KCNH4: variants seen among roughly 807,000 people sequenced by gnomAD.
KCNH4 encodes the protein voltage-gated delayed rectifier potassium channel KCNH4.
KCNH4 carries 33 observed loss-of-function variants against 90.7 expected under a neutral mutation model. The observed-to-expected ratio is 0.36, with a 90% CI of 0.28 to 0.49. The LOEUF (loss-of-function observed/expected upper bound fraction) is 0.49. Among genes scored for constraint, KCNH4 ranks in the 20% least tolerant of loss-of-function variants. The probability of loss-of-function intolerance (pLI) is 0.98; values close to 1 mark genes in which losing one functional copy is unlikely to be tolerated. For missense variants in KCNH4, 1,044 were observed against 1,387.1 expected, an observed-to-expected ratio of 0.75 and a Z score of 3.93; for synonymous variants, 551 against 581.7, an observed-to-expected ratio of 0.95 and a Z score of 0.76.
chr17:42,158,074 A>G (rs984925878), intron 16 of KCNH4, among the ~76,000 whole-genome samples: 4 of 151,714 alleles, frequency 2.6e-5, no homozygotes, highest in Non-Finnish European at 4.4e-5. Context: ...GATTACAGGC[A>G]TGCACCACCA....
chr17:42,165,504 C>G lies in KCNH4; in HGVS notation c.2030G>C (p.Arg677Pro). 1.2e-6 allele frequency: 2 copies of G among 1,614,182 alleles called. No individual in the cohort carries two copies. Among genetic ancestry groups the G allele is most frequent in the Non-Finnish European group, 1.7e-6 (2 of 1,180,020 alleles). Residue 677 changes from arginine (R) to proline (P), a missense_variant, in exon 11 of 17, where the codon CGG becomes CCG. This residue lies in a region of KCNH4 where 441 missense variants were observed against 512.3 expected (regional missense o/e 0.86). Transcript: ENST00000264661. Reference protein sequence around the residue: ...RLYPEYGAAFRAGLPRDLTFN... With the variant: ...RLYPEYGAAFPAGLPRDLTFN... ...GGTGAGGTCCCGGGGCAGGCCAGCC[C>G]GGAAGGCAGCCCCATACTCAGGATA...
At chr17:42,175,441 C>T in intron 6 of KCNH4, 138 bp downstream of exon 6, 1 of 1,013,980 alleles carries the variant, frequency 9.9e-7, no homozygotes, top group Non-Finnish European at 1.5e-6. Flanking sequence ...AGGGCTATGC[C>T]CAGAGCAGGT....
At chr17:42,164,018 G>A (rs1021522502) in intron 12 of KCNH4, 60 bp from the exon 13 acceptor site, 45 of 1,500,418 alleles carry the variant, frequency 3.0e-5, no homozygotes, top group Admixed American at 2.5e-4. Flanking sequence ...CCTTCATTAA[G>A]TAAGAGCCTT....
Position 42,180,601 on chromosome 17 carries a change from G to T in KCNH4, c.76+269C>A, listed in dbSNP as rs1438548529. Reference sequence around the variant, plus strand: ...TGCCCGAGAGTGGGCGGCTCCGAAGGACCCTCCTCCGCTCTGCCGCACAAA... The same window carrying T: ...TGCCCGAGAGTGGGCGGCTCCGAAGTACCCTCCTCCGCTCTGCCGCACAAA... On this transcript the variant is annotated intron_variant, in intron 1 of 16. Coordinates refer to ENST00000264661, the MANE Select transcript of KCNH4 (RefSeq NM_012285.3). This position sits in a 1 kb window ranked among gnomAD's most constrained non-coding sequence, Gnocchi z 4.7. Among the ~76,000 whole-genome samples, 1 of 151,868 alleles carries T rather than the reference G, an allele frequency of 6.6e-6. No individual in the cohort carries two copies. Among genetic ancestry groups the T allele is most frequent in the Non-Finnish European group, 1.5e-5 (1 of 67,950 alleles).
At chr17:42,170,920 A>G (rs897107122) in intron 7 of KCNH4, among the ~76,000 whole-genome samples, 1 of 152,230 alleles carries the variant, frequency 6.6e-6, no homozygotes. Context: ...CAGGCCCAGC[A>G]TGAGAAAGCA....
Position 42,169,551 on chromosome 17 carries a change from G to A in KCNH4, c.1516C>T (p.Arg506Trp), listed in dbSNP as rs764965430. ...KDFIRVHRLP[R>W]PLKQRMLEYF... Reference sequence around the variant, plus strand: ...TCGAGCATGCGCTGCTTGAGCGGCCGCGGCAGGCGGTGCACACGGATGAAG... The same window carrying A: ...TCGAGCATGCGCTGCTTGAGCGGCCACGGCAGGCGGTGCACACGGATGAAG... Residue 506 changes from arginine to tryptophan, a missense_variant, in exon 9 of 17, where the codon CGG (arginine) becomes TGG (tryptophan). By Grantham distance (101) the Arg-to-Trp change is moderately radical. This residue lies in a region of KCNH4 where 318 missense variants were observed against 479.6 expected (regional missense o/e 0.66). Transcript: ENST00000264661. 30 of 1,613,512 alleles carry A rather than the reference G, an allele frequency of 1.9e-5. No individual in the cohort carries two copies. Among genetic ancestry groups the A allele is most frequent in the Admixed American group, 5.0e-5 (3 of 60,014 alleles).
Position 42,169,533 on chromosome 17 carries a change from T to C in KCNH4, c.1534A>G (p.Met512Val), listed in dbSNP as rs779155803. 1.2e-6 allele frequency: 2 copies of C among 1,613,446 alleles called. No individual in the cohort carries two copies. The highest frequency in any genetic ancestry group is 1.7e-6 in the Non-Finnish European group (2 of 1,180,018). The stretch of plus-strand genomic sequence containing the variant: ...CACGTGGTCTGGAAGTATTCGAGCA[T>C]GCGCTGCTTGAGCGGCCGCGGCAGG... Reference protein sequence around the residue: ...HRLPRPLKQRMLEYFQTTWAV... With the variant: ...HRLPRPLKQRVLEYFQTTWAV... Residue 512 changes from methionine to valine, a missense_variant, in exon 9 of 17, where the codon ATG becomes GTG. By Grantham distance (21) the Met-to-Val change is conservative. Around this residue, in one of 4 missense-constraint regions of KCNH4, gnomAD observed 318 missense variants for 479.6 expected, o/e 0.66. Transcript: ENST00000264661.
At chr17:42,173,689 G>T (rs983123724) in intron 6 of KCNH4, among the ~76,000 whole-genome samples, 4 of 130,882 alleles carry the variant, frequency 3.1e-5, no homozygotes, top group Non-Finnish European at 4.7e-5. Flanking sequence ...TTAGCGATCT[G>T]GTTCTTTTTT....
At position 42,176,087 on chromosome 17, in the gene KCNH4, T is replaced by C. The variant is rs748197791; in HGVS notation, c.796A>G (p.Ser266Gly). 2.5e-6 allele frequency: 4 copies of C among 1,610,654 alleles called. No individual in the cohort carries two copies. The South Asian group carries it at 4.4e-5, about 18-fold the overall frequency. Reference sequence around the variant, plus strand: ...AAGAGCATTTCCACGGCGATGTCGCTGACAAGGGTGTGTCGCGAAGTGATG... The same window carrying C: ...AAGAGCATTTCCACGGCGATGTCGCCGACAAGGGTGTGTCGCGAAGTGATG... The part of the protein sequence containing the change: ...TPITSRHTLV[S>G]DIAVEMLFIL... Residue 266 changes from serine to glycine, a missense_variant, in exon 5 of 17, where the codon AGC becomes GGC. Transcript: ENST00000264661.
chr17:42,159,998 C>G lies in KCNH4; in HGVS notation c.*42G>C. 1 of 1,451,530 alleles carries G rather than the reference C, an allele frequency of 6.9e-7. No homozygotes were observed. The highest frequency in any genetic ancestry group is 9.1e-7 in the Non-Finnish European group (1 of 1,095,058). The allele number at this position is 1,451,530 out of a possible 1,614,324, so 89.9% of individuals were successfully genotyped here. A position where few individuals can be genotyped will look rare whatever the true frequency, so the allele number is the denominator to read the frequency against. On this transcript the variant is annotated 3_prime_UTR_variant, in exon 16 of 17. Transcript: ENST00000264661. The stretch of plus-strand genomic sequence containing the variant: ...GCCCAGGTCCTCCCTGAGTGGTGAG[C>G]GGCAGCGCCCACCCCAGACAGGCCT...
chr17:42,173,693 C>CTTTTTTTT (rs532100884), intron 6 of KCNH4, among the ~76,000 whole-genome samples: 14 of 66,270 alleles, frequency 2.1e-4, no homozygotes, highest in South Asian at 8.4e-4. Flanking sequence ...CGATCTGGTT[C>CTTTTTTTT]TTTTTTTTTT....
chr17:42,160,920 CTTTTTTTTTTTTT>C (rs57677761), intron 15 of KCNH4, among the ~76,000 whole-genome samples: 2 of 73,408 alleles, frequency 2.7e-5, no homozygotes, highest in East Asian at 4.9e-4. Flanking sequence ...TTTTCTTTTT[CTTTTTTTTTTTTT>C]TTTTTTTTTT....
In KCNH4 at chr17:42,171,955, C is replaced by G; in HGVS notation, c.1028G>C (p.Arg343Pro). ...VHLLKTVRLL[R>P]LLRLLQKLER... ...CAGCTTCTGCAGCAGCCGCAGCAGC[C>G]GCAACAGCCGCACTGTCTTCAGTAG... Residue 343 changes from arginine to proline, a missense_variant, in exon 7 of 17, where the codon CGG becomes CCG. Coordinates refer to ENST00000264661, the MANE Select transcript of KCNH4 (RefSeq NM_012285.3). 6.2e-7 allele frequency: 1 copy of G among 1,610,024 alleles called. No homozygotes were observed. The highest frequency in any genetic ancestry group is 8.5e-7 in the Non-Finnish European group (1 of 1,178,818).
chr17:42,178,732 G>A, intron 2 of KCNH4, 61 bp downstream of exon 2: 1 of 1,437,622 alleles, frequency 7.0e-7, no homozygotes, highest in African/African-American at 1.4e-5. Context: ...ACTGTGCCCA[G>A]TGCCCTCTGG....
Position 42,163,950 on chromosome 17 carries a change from T to C in KCNH4, c.2133A>G (p.Ser711=). The change falls in exon 13 of 17, where the codon TCA becomes TCG. Residue 711 remains serine (S), a synonymous_variant. Coordinates refer to ENST00000264661, the MANE Select transcript of KCNH4 (RefSeq NM_012285.3). The surrounding 1 kb of genome is among the most constrained non-coding windows in gnomAD (Gnocchi z 5.4). ...SRSPRLSQPR[S]ESLGSSSDKT... is the part of the protein sequence containing the mutation. ...TGTCTGAGGAGGAGCCGAGGCTTTC[T>C]GAGCGGGGCTGCGGGCAGAGGGGGC... The C allele has an allele frequency of 6.5e-7, 1 of 1,537,508 alleles. No individual in the cohort carries two copies. The highest frequency in any genetic ancestry group is 8.8e-7 in the Non-Finnish European group (1 of 1,142,270).
intron 15 of KCNH4, among the ~76,000 whole-genome samples, chr17:42,160,926 T>C (rs920893387): frequency 8.9e-5 from 12 of 134,376 alleles, no homozygotes; most frequent in East Asian, 4.3e-4. Context: ...TTTTCTTTTT[T>C]TTTTTTTTTT....
intron 11 of KCNH4, among the ~76,000 whole-genome samples, chr17:42,165,060 C>T (rs960685764): frequency 3.3e-5 from 5 of 150,770 alleles, no homozygotes; most frequent in African/African-American, 9.8e-5. Flanking sequence ...GAGCCAAGAT[C>T]GCGCCACTGC....
chr17:42,172,648 C>T (rs571461975), intron 6 of KCNH4, among the ~76,000 whole-genome samples: 2 of 151,386 alleles, frequency 1.3e-5, no homozygotes, highest in East Asian at 3.9e-4. Context: ...TTCAGGGAGG[C>T]TAATGACTTG....
Position 42,175,720 on chromosome 17 carries a change from G to A in KCNH4, c.846C>T (p.Phe282=). ...CGGACTGGGACACATAGGTGGTGCGGAAGTTCAGGATGATATCTGGGGGTG... is the reference window on the plus strand; with the variant it reads ...CGGACTGGGACACATAGGTGGTGCGAAAGTTCAGGATGATATCTGGGGGTG... The part of the protein sequence containing the change: ...MLFILDIILN[F]RTTYVSQSGQ... Residue 282 remains phenylalanine (F), a synonymous_variant, in exon 6 of 17, where the codon TTC becomes TTT. Transcript: ENST00000264661. 6.2e-7 allele frequency: 1 copy of A among 1,614,076 alleles called. No individual in the cohort carries two copies. Among genetic ancestry groups the A allele is most frequent in the African/African-American group, 1.3e-5 (1 of 75,036 alleles).
Sources: allele counts gnomAD v4.1 joint callset (sites outside exome capture counted in the v4.1 genomes callset), GRCh38; gene constraint gnomAD v4.1.1; regional missense constraint gnomAD v4.1.1; non-coding constraint Gnocchi (gnomAD v3.1); transcripts MANE v1.5; gene names NCBI Gene and HGNC (gene_info 2026-07-23, HGNC 2026-07-21).